The following PIGN variants were observed in gnomAD, a reference collection of about 807,000 sequenced individuals.
The protein encoded by PIGN is phosphatidylinositol glycan anchor biosynthesis class N.
Under a neutral mutation model 125.4 loss-of-function variants are expected in PIGN, and 117 were observed. The ratio of observed to expected loss-of-function variants is 0.93; its 90% CI spans 0.80 to 1.09. The LOEUF (loss-of-function observed/expected upper bound fraction) is 1.09. Ranked by LOEUF, PIGN falls within the 50% of genes least tolerant of loss-of-function variation. The pLI is 0.00. For synonymous variants in PIGN, 392 were observed against 377.8 expected, an observed-to-expected ratio of 1.04 and a Z score of -0.44; for missense variants, 1,075 against 1,094.9, an observed-to-expected ratio of 0.98 and a Z score of 0.26.
intron 14 of PIGN, among the ~76,000 whole-genome samples, chr18:62,128,623 G>A (rs565880485): frequency 2.6e-5 from 4 of 152,152 alleles, no homozygotes; most frequent in Middle Eastern, 6.8e-3. Flanking sequence ...AGAAAAAAAG[G>A]TAGAAGAGTT....
intron 23 of PIGN, among the ~76,000 whole-genome samples, chr18:62,023,555 C>T (rs1309579817): frequency 6.6e-6 from 1 of 152,202 alleles, no homozygotes; most frequent in African/African-American, 2.4e-5. Context: ...TATCTGAAGC[C>T]TCTCAATGGT....
intron 8 of PIGN, among the ~76,000 whole-genome samples, chr18:62,147,556 A>G (rs1187625707): frequency 6.6e-6 from 1 of 152,228 alleles, no homozygotes; most frequent in Non-Finnish European, 1.5e-5. Flanking sequence ...TTCATTCGAT[A>G]TGAATATTCC....
At chr18:62,053,289 T>TA (rs1454023108) in intron 30 of PIGN, among the ~76,000 whole-genome samples, 34 of 152,058 alleles carry the variant, frequency 2.2e-4, no homozygotes, top group African/African-American at 7.7e-4. Context: ...AGCAACCATT[T>TA]AAAAAGCCAT....
At chr18:62,099,400 A>G (rs604391) in intron 22 of PIGN, among the ~76,000 whole-genome samples, 38,096 of 152,034 alleles carry the variant, frequency 0.25, 4,901 homozygotes, top group Non-Finnish European at 0.27. Context: ...TTCAAACAAC[A>G]TATATAAAAC....
intron 16 of PIGN, among the ~76,000 whole-genome samples, chr18:62,112,251 A>AT (rs2034908527): frequency 6.6e-6 from 1 of 152,216 alleles, no homozygotes; most frequent in East Asian, 1.9e-4. Flanking sequence ...CAAAATTATA[A>AT]TAAACACTAA....
At position 62,146,827 on chromosome 18, in the gene PIGN, G is replaced by A; in HGVS notation, c.805+144C>T. 8.4e-6 allele frequency: 6 copies of A among 713,918 alleles called. No homozygotes were observed. The South Asian group carries it at 1.9e-4, about 22-fold the overall frequency. 44.2% of individuals were successfully genotyped at this position (713,918 alleles called of 1,614,324 possible). A position where few individuals can be genotyped will look rare whatever the true frequency, so the allele number is the denominator to read the frequency against. On this transcript the variant is annotated intron_variant, in intron 9 of 30. Coordinates refer to ENST00000640252, the MANE Select transcript of PIGN (RefSeq NM_176787.5). ...TTTTTATAAGATCAGTTGTTTTTTA[G>A]GCTAACATTTTAAGCACAGAATTAT...
rs185280207 is a variant in PIGN, at chr18:62,102,533, A to G, written c.1968+261T>C. Among the ~76,000 whole-genome samples, 317 of 148,406 alleles carry G rather than the reference A, an allele frequency of 2.1e-3. 1 individual carries two copies. The highest frequency in any genetic ancestry group is 7.7e-3 in the Middle Eastern group (2 of 260). On this transcript the variant is annotated intron_variant, in intron 21 of 30. Transcript: ENST00000640252. ...TCTCAGTCCAGATGAAGCCCTTTTC[A>G]GTTCAACTTTTTGGTCAATACAGTT... is the stretch of plus-strand genomic sequence containing the variant.
At position 62,044,967 on chromosome 18, in the gene PIGN, A is replaced by G. The variant is rs1239813647; in HGVS notation, c.*889T>C. ...GAATCTCACAACCAGAAAGAATAAC[A>G]CCTTTAATATGAATTCTTATGATAT... On this transcript the variant is annotated 3_prime_UTR_variant, in exon 31 of 31. Transcript: ENST00000640252. The G allele has an allele frequency of 6.6e-6, 1 of 152,094 alleles. No individual in the cohort carries two copies. The highest frequency in any genetic ancestry group is 1.5e-5 in the Non-Finnish European group (1 of 68,018). 9.4% of individuals were successfully genotyped at this position (152,094 alleles called of 1,614,324 possible). A position where few individuals can be genotyped will look rare whatever the true frequency, so the allele number is the denominator to read the frequency against.
intron 20 of PIGN, 68 bp downstream of exon 20, chr18:62,105,475 A>C (rs1316888229): frequency 6.8e-6 from 6 of 882,668 alleles, no homozygotes; most frequent in Non-Finnish European, 9.1e-6. Flanking sequence ...TTAGGTTCAA[A>C]TTTTACAGTG....
At chr18:62,183,025 T>C (rs559777477) in intron 1 of PIGN, among the ~76,000 whole-genome samples, 7 of 152,344 alleles carry the variant, frequency 4.6e-5, no homozygotes, top group African/African-American at 1.4e-4. Context: ...AAGAGCTCTG[T>C]TGTACAGCAT....
chr18:62,027,496 C>T (rs749556852), intron 23 of PIGN, among the ~76,000 whole-genome samples: 35 of 152,142 alleles, frequency 2.3e-4, no homozygotes, highest in Admixed American at 4.6e-4. Flanking sequence ...AAAGGCGGGA[C>T]AACGCGAAGC....
chr18:62,138,869 T>C (rs1019061682), intron 13 of PIGN, 114 bp downstream of exon 13: 1 of 599,390 alleles, frequency 1.7e-6, no homozygotes, highest in African/African-American at 1.9e-5. Context: ...AATTTAAAGG[T>C]AAATTACAGG....
At chr18:62,018,096 A>G (rs1033214234) in intron 23 of PIGN, among the ~76,000 whole-genome samples, 7 of 152,256 alleles carry the variant, frequency 4.6e-5, no homozygotes, top group Admixed American at 3.9e-4. Flanking sequence ...CAAAAGACCA[A>G]TTCAGAACTG....
intron 30 of PIGN, among the ~76,000 whole-genome samples, chr18:62,049,219 G>A (rs2031030500): frequency 6.6e-6 from 1 of 152,186 alleles, no homozygotes; most frequent in South Asian, 2.1e-4. Context: ...TATATACTCA[G>A]TAATGGGATG....
At chr18:62,178,619 A>G (rs56346448) in intron 1 of PIGN, among the ~76,000 whole-genome samples, 24,761 of 151,174 alleles carry the variant, frequency 0.16, 2,693 homozygotes, top group Middle Eastern at 0.29. Context: ...AAAAAGAAGA[A>G]GAGGAAAGAA....
In PIGN at chr18:62,109,957, A is replaced by C. The variant is rs775629094; in HGVS notation, c.1451T>G (p.Leu484Arg). The C allele has an allele frequency of 9.9e-6, 16 of 1,613,334 alleles. No homozygotes were observed. The highest frequency in any genetic ancestry group is 3.3e-4 in the Middle Eastern group (2 of 6,074). The change falls in exon 17 of 31, where the codon CTG (leucine) becomes CGG (arginine). Residue 484 changes from leucine (L) to arginine (R), a missense_variant. Leu to Arg is a moderately radical substitution (Grantham distance 102). Coordinates refer to ENST00000640252, the MANE Select transcript of PIGN (RefSeq NM_176787.5). ...GCCAATAGCTACAAAACTACAAGGCAGGAGATGGCTTGGTTTCTGAAAAAT... is the reference window on the plus strand; with the variant it reads ...GCCAATAGCTACAAAACTACAAGGCCGGAGATGGCTTGGTTTCTGAAAAAT... ...SKEVKKPSHL[L>R]PCSFVAIGIL...
chr18:62,127,258 T>C (rs12327345), intron 14 of PIGN, among the ~76,000 whole-genome samples: 52,521 of 152,012 alleles, frequency 0.35, 9,430 homozygotes, highest in Middle Eastern at 0.49. Context: ...TCCATTTACA[T>C]CTAACCAACC....
In PIGN at chr18:62,094,551, T is replaced by C. The variant is rs2146182179; in HGVS notation, c.2180+1297A>G. Among the ~76,000 whole-genome samples, 2 of 152,322 alleles carry C rather than the reference T, an allele frequency of 1.3e-5. 1 individual carries two copies. The highest frequency in any genetic ancestry group is 4.1e-4 in the South Asian group (2 of 4,832). On this transcript the variant is annotated intron_variant, in intron 23 of 30. Coordinates refer to ENST00000640252, the MANE Select transcript of PIGN (RefSeq NM_176787.5). The stretch of plus-strand genomic sequence containing the variant: ...TGCATAGTTGAATTCATTTTTACTC[T>C]CATAGATTCTAATTTAACAAAATTA...
intron 22 of PIGN, among the ~76,000 whole-genome samples, chr18:62,099,228 G>A (rs1422495036): frequency 3.3e-5 from 5 of 151,974 alleles, no homozygotes; most frequent in Non-Finnish European, 7.4e-5. Context: ...ATTCAAAAAG[G>A]CTAAAAATAA....
Sources: gnomAD v4.1 joint callset for allele counts (sites outside exome capture counted in the v4.1 genomes callset) on GRCh38, gnomAD v4.1.1 for gene constraint, MANE v1.5 for transcripts, NCBI Gene and HGNC (gene_info 2026-07-23, HGNC 2026-07-21) for gene names.